Variants in ZZEF1 observed in about 807,000 individuals in gnomAD.
ZZEF1 encodes zinc finger ZZ-type and EF-hand domain-containing protein 1.
In ZZEF1, 157 loss-of-function variants were observed where a neutral mutation model predicts 342.8. The observed-to-expected ratio is 0.46, with a 90% confidence interval of 0.40 to 0.52. ZZEF1 has a LOEUF of 0.52. ZZEF1 is among the 20% of genes least tolerant of loss of function. The pLI is 0.00. For synonymous variants in ZZEF1, 1,505 were observed against 1,429.1 expected, an observed-to-expected ratio of 1.05 and a Z score of -1.20; for missense variants, 3,480 against 3,725.6, an observed-to-expected ratio of 0.93 and a Z score of 1.72.
chr17:4,050,822 T>C lies in ZZEF1; in HGVS notation c.5822A>G (p.Gln1941Arg), dbSNP rs1372259927. ...CTTCATCAGACAGTCCCCGACGAGCTGCATGCACTGGCTCCGCAGGGTGGT... is the reference window on the plus strand; with the variant it reads ...CTTCATCAGACAGTCCCCGACGAGCCGCATGCACTGGCTCCGCAGGGTGGT... Reference protein sequence around the residue: ...SATTLRSQCMQLVGDCLMKAH... With the variant: ...SATTLRSQCMRLVGDCLMKAH... The change falls in exon 36 of 55, where the codon CAG (glutamine) becomes CGG (arginine). Residue 1941 changes from glutamine to arginine, a missense_variant. By Grantham distance (43) the Gln-to-Arg change is conservative. This residue lies in a region of ZZEF1 where 1,269 missense variants were observed against 1,342.4 expected (regional missense o/e 0.95). Coordinates refer to ENST00000381638, the MANE Select transcript of ZZEF1 (RefSeq NM_015113.4). The C allele has an allele frequency of 6.2e-7, 1 of 1,614,084 alleles. No homozygotes were observed. The highest frequency in any genetic ancestry group is 1.3e-5 in the African/African-American group (1 of 74,954).
chr17:4,084,973 G>A (rs879890735), intron 16 of ZZEF1, among the ~76,000 whole-genome samples: 16 of 152,088 alleles, frequency 1.1e-4, no homozygotes, highest in African/African-American at 3.1e-4. Flanking sequence ...TTAGCCAGGC[G>A]TGGTGGCATG....
rs761113925 is a variant in ZZEF1 at position 4,042,551 on chromosome 17, C to A, written c.6184G>T (p.Val2062Leu). Residue 2062 changes from valine to leucine, a missense_variant, in exon 39 of 55, where the codon GTG becomes TTG. Val to Leu is a conservative substitution (Grantham distance 32, BLOSUM62 1). Coordinates refer to ENST00000381638, the MANE Select transcript of ZZEF1 (RefSeq NM_015113.4). ...TGLPDAEDSE[V>L]SSQKPIEEKA... ...TCCTCTATGGGCTTCTGAGATGACA[C>A]TTCTGAATCTTCAGCATCTAAGTGG... The A allele has an allele frequency of 1.4e-5, 23 of 1,610,912 alleles. No individual in the cohort carries two copies. The highest frequency in any genetic ancestry group is 2.2e-5 in the East Asian group (1 of 44,878).
intron 46 of ZZEF1, 56 bp from the exon 47 acceptor site, chr17:4,018,027 C>T: frequency 6.3e-7 from 1 of 1,597,382 alleles, no homozygotes; most frequent in Non-Finnish European, 8.5e-7. Context: ...CCAGTTTTAA[C>T]CTGCACTTAA....
chr17:4,116,980 T>C lies in ZZEF1; in HGVS notation c.686A>G (p.Lys229Arg). 1 of 1,607,050 alleles carries C rather than the reference T, an allele frequency of 6.2e-7. No individual in the cohort carries two copies. The highest frequency in any genetic ancestry group is 8.5e-7 in the Non-Finnish European group (1 of 1,175,180). ...CCCCCACACACACATACCCTTTTCC[T>C]TTTGTACCAGCTGATCCAGAGACTC... is the stretch of plus-strand genomic sequence containing the variant. ...LKESLDQLVQ[K>R]EKESPGDLTR... Residue 229 changes from lysine (K) to arginine (R), a missense_variant, in exon 3 of 55, where the codon AAG becomes AGG. This residue lies in a region of ZZEF1 where 416 missense variants were observed against 374.2 expected (regional missense o/e 1.11). Coordinates refer to ENST00000381638, the MANE Select transcript of ZZEF1 (RefSeq NM_015113.4).
At chr17:4,126,991 A>G (rs1384777253) in intron 1 of ZZEF1, among the ~76,000 whole-genome samples, 1 of 151,990 alleles carries the variant, frequency 6.6e-6, no homozygotes, top group African/African-American at 2.4e-5. Flanking sequence ...AACAAAACAA[A>G]AAGCAGAACT....
chr17:4,014,118 C>T lies in ZZEF1; in HGVS notation c.8385G>A (p.Thr2795=), dbSNP rs149054626. Residue 2795 remains threonine, a synonymous_variant, in exon 51 of 55, where the codon ACG becomes ACA. Transcript: ENST00000381638. The surrounding 1 kb of genome is among the most constrained non-coding windows in gnomAD (Gnocchi z 4.4). ...NTEWGYRFTV[T]AGHLGRFQTG... is the part of the protein sequence containing the mutation. ...TCTGGAACCGCCCCAGGTGTCCGGCCGTCACGGTGAATCTGTAGCCCCACT... is the reference window on the plus strand; with the variant it reads ...TCTGGAACCGCCCCAGGTGTCCGGCTGTCACGGTGAATCTGTAGCCCCACT... 4.8e-5 allele frequency: 78 copies of T among 1,614,040 alleles called. No homozygotes were observed. Among genetic ancestry groups the T allele is most frequent in the African/African-American group, 1.2e-4 (9 of 74,916 alleles).
chr17:4,019,908 T>G lies in ZZEF1; in HGVS notation c.7405-139A>C, dbSNP rs1002272754. ...ATTGAGGAACATTATATGGGTAGTT[T>G]AAAAAGCATATAAAATTGTAAGCAC... is the stretch of plus-strand genomic sequence containing the variant. On this transcript the variant is annotated intron_variant, in intron 45 of 54. Transcript: ENST00000381638. The G allele has an allele frequency of 4.9e-5, 28 of 575,332 alleles. No individual in the cohort carries two copies. In the East Asian group the frequency reaches 9.2e-4, roughly 19 times the overall value. The allele number at this position is 575,332 out of a possible 1,614,324, so 35.6% of individuals were successfully genotyped here.
chr17:4,077,807 A>T, intron 19 of ZZEF1, 76 bp downstream of exon 19: 1 of 1,494,178 alleles, frequency 6.7e-7, no homozygotes, highest in Non-Finnish European at 9.2e-7. Flanking sequence ...TCATTGCATG[A>T]GTTACTAAAG....
Position 4,132,699 on chromosome 17 carries a change from GCGGGCGCC to G in ZZEF1, c.355-8656_355-8649del. On this transcript the variant is annotated intron_variant, in intron 1 of 54. Coordinates refer to ENST00000381638, the MANE Select transcript of ZZEF1 (RefSeq NM_015113.4). ...TACAAAAAATTAGCCGGGTGTGGTG[GCGGGCGCC>G]TGTAATCCCAGCACTTTGGGAGGCC... Among the ~76,000 whole-genome samples, 10 of 120,936 alleles carry G rather than the reference GCGGGCGCC, an allele frequency of 8.3e-5. No homozygotes were observed. The East Asian group carries it at 1.2e-3, about 15-fold the overall frequency. The allele number at this position is 120,936 out of a possible 152,430, so 79.3% of individuals were successfully genotyped here.
intron 33 of ZZEF1, among the ~76,000 whole-genome samples, chr17:4,055,574 C>T (rs2145186693): frequency 6.6e-6 from 1 of 152,304 alleles, no homozygotes; most frequent in South Asian, 2.1e-4. Flanking sequence ...TCCCACACTG[C>T]TTGTCTACAG....
At chr17:4,031,114 A>C (rs888136831) in intron 42 of ZZEF1, among the ~76,000 whole-genome samples, 1 of 152,156 alleles carries the variant, frequency 6.6e-6, no homozygotes, top group Non-Finnish European at 1.5e-5. Context: ...CAGGAGTTTG[A>C]GACCAGCCTG....
At chr17:4,076,364 A>G (rs1597855569) in intron 21 of ZZEF1, 1 of 214,608 alleles carries the variant, frequency 4.7e-6, no homozygotes, top group Non-Finnish European at 9.6e-6. Flanking sequence ...CGATCTCCTG[A>G]CCTCGTGATC....
rs547262492 is a variant in ZZEF1, at chr17:4,142,527, C to T, written c.354+15G>A. 6.3e-7 allele frequency: 1 copy of T among 1,587,738 alleles called. No homozygotes were observed. Among genetic ancestry groups the T allele is most frequent in the Non-Finnish European group, 8.5e-7 (1 of 1,174,556 alleles). ...CCGCCCTGCCCCATCCCCGCAGTCG[C>T]CTGCCGGCCCTGACCTCCTCGAACT... On this transcript the variant is annotated intron_variant, in intron 1 of 54. Transcript: ENST00000381638.
At chr17:4,046,097 G>A (rs902421381) in intron 37 of ZZEF1, among the ~76,000 whole-genome samples, 47 of 152,248 alleles carry the variant, frequency 3.1e-4, no homozygotes, top group African/African-American at 1.1e-3. Flanking sequence ...AAAGTACTGG[G>A]ATTACAGGCA....
At position 4,126,456 on chromosome 17, in the gene ZZEF1, AG is replaced by A. The variant is rs548865097; in HGVS notation, c.355-2406del. Among the ~76,000 whole-genome samples the A allele has an allele frequency of 8.8e-4, 134 of 152,314 alleles. 1 individual carries two copies. The highest frequency in any genetic ancestry group is 3.0e-3 in the African/African-American group (123 of 41,554). ...TTTAAGCACACAGACAAAGAATACA[AG>A]ATGCAACAGCTACAAAATTTTGGAA... On this transcript the variant is annotated intron_variant, in intron 1 of 54. Coordinates refer to ENST00000381638, the MANE Select transcript of ZZEF1 (RefSeq NM_015113.4).
chr17:4,139,860 T>C (rs765193761), intron 1 of ZZEF1, among the ~76,000 whole-genome samples: 1 of 152,254 alleles, frequency 6.6e-6, no homozygotes, highest in Non-Finnish European at 1.5e-5. Context: ...GAGTTTTAGC[T>C]GAATATATGG....
intron 4 of ZZEF1, 37 bp from the exon 5 acceptor site, chr17:4,112,845 T>C (rs367784821): frequency 2.2e-5 from 33 of 1,505,530 alleles, no homozygotes; most frequent in East Asian, 2.3e-5. Flanking sequence ...CAAATGTTTA[T>C]AGGAGTCAAG....
chr17:4,038,442 T>G (rs1215869322), intron 39 of ZZEF1, among the ~76,000 whole-genome samples: 3 of 152,098 alleles, frequency 2.0e-5, no homozygotes, highest in Non-Finnish European at 4.4e-5. Context: ...TGGATAACAG[T>G]GAAAATGAAT....
At chr17:4,042,178 C>CT (rs1415075343) in intron 39 of ZZEF1, among the ~76,000 whole-genome samples, 4 of 151,654 alleles carry the variant, frequency 2.6e-5, no homozygotes, top group Admixed American at 2.6e-4. Flanking sequence ...TTTCTATGAG[C>CT]TTAAAACTTT....
Sources: gnomAD v4.1 joint callset for allele counts (sites outside exome capture counted in the v4.1 genomes callset) on GRCh38, gnomAD v4.1.1 for gene constraint, gnomAD v4.1.1 regional missense constraint, Gnocchi (gnomAD v3.1) non-coding constraint, MANE v1.5 for transcripts, NCBI Gene and HGNC (gene_info 2026-07-23, HGNC 2026-07-21) for gene names.